KLRC2: variants seen among roughly 807,000 people sequenced by gnomAD.
KLRC2 encodes the protein killer cell lectin like receptor C2.
In KLRC2, 10 loss-of-function variants were observed where a neutral mutation model predicts 25.5. The ratio of observed to expected loss-of-function variants is 0.39; its 90% CI spans 0.24 to 0.67. The LOEUF (loss-of-function observed/expected upper bound fraction) is 0.67, where lower values mean the gene tolerates loss of function less well. KLRC2 is among the 30% of genes least tolerant of loss of function. The pLI is 0.45. For synonymous variants in KLRC2, 48 were observed against 93.3 expected (o/e 0.51, Z 2.80); for missense variants, 170 against 272.8 (o/e 0.62, Z 2.65).
chr12:10,434,528 G>C lies in KLRC2; in HGVS notation c.289C>G (p.Leu97Val). 2 of 1,550,928 alleles carry C rather than the reference G, an allele frequency of 1.3e-6. No homozygotes were observed. Among genetic ancestry groups the C allele is most frequent in the Non-Finnish European group, 1.8e-6 (2 of 1,130,024 alleles). ...TTCGGGGAAAAATTGTTCTGCTCCA[G>C]GACTGTAATAGAAAAATTAAAATGA... is the stretch of plus-strand genomic sequence containing the variant. ...VLKTIVLIPF[L>V]EQNNFSPNTR... Residue 97 changes from leucine to valine, a missense_variant and splice_region_variant, in exon 3 of 6, where the codon CTG (leucine) becomes GTG (valine). This residue lies in a region of KLRC2 where 4 missense variants were observed against 54.6 expected (regional missense o/e 0.07). Coordinates refer to ENST00000381902, the MANE Select transcript of KLRC2 (RefSeq NM_002260.4).
chr12:10,432,410 T>G lies in KLRC2; in HGVS notation c.484-204A>C, dbSNP rs1863825727. Among the ~76,000 whole-genome samples the G allele has an allele frequency of 4.5e-5, 5 of 111,368 alleles. 1 individual carries two copies. In the South Asian group the frequency reaches 1.4e-3, roughly 31 times the overall value. The allele number at this position is 111,368 out of a possible 152,430, so 73.1% of individuals were successfully genotyped here. A position where few individuals can be genotyped will look rare whatever the true frequency, so the allele number is the denominator to read the frequency against. ...AATAAAGACATTTTAATTCTTGCAA[T>G]GTAATAGTTACTCCAATTAACAGAA... On this transcript the variant is annotated intron_variant, in intron 4 of 5. Transcript: ENST00000381902.
In KLRC2 at chr12:10,433,818, C is replaced by T; in HGVS notation, c.456G>A (p.Leu152=). ...TTTCTTCTTCATTATCTATAGAAAG[C>T]AGACTGGAGTTCTTCGAAGTACAGG... ...LLACTSKNSS[L]LSIDNEEEMK... Residue 152 remains leucine, a synonymous_variant, in exon 4 of 6, where the codon CTG becomes CTA. Coordinates refer to ENST00000381902, the MANE Select transcript of KLRC2 (RefSeq NM_002260.4). 1.9e-6 allele frequency: 3 copies of T among 1,549,616 alleles called. No individual in the cohort carries two copies. The East Asian group carries it at 7.1e-5, about 37-fold the overall frequency.
chr12:10,435,818 T>G lies in KLRC2; in HGVS notation c.169A>C (p.Lys57Gln), dbSNP rs1565507929. 6.5e-7 allele frequency: 1 copy of G among 1,548,536 alleles called. No individual in the cohort carries two copies. The highest frequency in any genetic ancestry group is 8.8e-7 in the Non-Finnish European group (1 of 1,134,276). The change falls in exon 1 of 6, where the codon AAA becomes CAA. Residue 57 changes from lysine to glutamine, a missense_variant. This residue lies in a region of KLRC2 where 37 missense variants were observed against 68.0 expected (regional missense o/e 0.54). Coordinates refer to ENST00000381902, the MANE Select transcript of KLRC2 (RefSeq NM_002260.4). ...GTTTTACCTTGGCAGTCATATATTT[T>G]ATCAATCCCTTGATGATTCAGGGAA... Reference protein sequence around the residue: ...NPSLNHQGIDKIYDCQGLLPP... With the variant: ...NPSLNHQGIDQIYDCQGLLPP...
At chr12:10,433,329 A>G (rs1347105614) in intron 4 of KLRC2, among the ~76,000 whole-genome samples, 1 of 142,500 alleles carries the variant, frequency 7.0e-6, no homozygotes, top group Non-Finnish European at 1.5e-5. Flanking sequence ...TTCCCTTTAT[A>G]TAAATAAATT....
At chr12:10,432,322 A>G in intron 4 of KLRC2, 116 bp from the exon 5 acceptor site, 1 of 598,534 alleles carries the variant, frequency 1.7e-6, no homozygotes, top group Non-Finnish European at 2.6e-6. Flanking sequence ...AAATGTTTGA[A>G]TTTTTTATTT....
At position 10,431,079 on chromosome 12, in the gene KLRC2, A is replaced by G; in HGVS notation, c.*38T>C. On this transcript the variant is annotated 3_prime_UTR_variant, in exon 6 of 6. Coordinates refer to ENST00000381902, the MANE Select transcript of KLRC2 (RefSeq NM_002260.4). ...AATATTTCTATTTTAAGAAATATAA[A>G]ATGTATCTGATGCACTGCAAACGCA... 3 of 1,315,542 alleles carry G rather than the reference A, an allele frequency of 2.3e-6. 1 individual carries two copies. The highest frequency in any genetic ancestry group is 3.2e-6 in the Non-Finnish European group (3 of 943,242). The allele number at this position is 1,315,542 out of a possible 1,614,324, so 81.5% of individuals were successfully genotyped here.
intron 4 of KLRC2, among the ~76,000 whole-genome samples, chr12:10,433,384 C>T (rs562119936): frequency 2.1e-5 from 3 of 141,460 alleles, no homozygotes; most frequent in South Asian, 2.2e-4. Flanking sequence ...GTCAAGACTG[C>T]GTTTTGGAGA....
chr12:10,434,337 A>G lies in KLRC2; in HGVS notation c.331+149T>C, dbSNP rs61244572. 90 of 630,284 alleles carry G rather than the reference A, an allele frequency of 1.4e-4. 6 individuals are homozygous for G. In the African/African-American group the frequency reaches 1.5e-3, roughly 11 times the overall value. The allele number at this position is 630,284 out of a possible 1,614,324, so 39.0% of individuals were successfully genotyped here. On this transcript the variant is annotated intron_variant, in intron 3 of 5. Transcript: ENST00000381902. ...TATTTCTACTCACTGGAGAAAAGGA[A>G]ATGCTGCCTCATAATCTTTCTTTAT... is the stretch of plus-strand genomic sequence containing the variant.
At chr12:10,433,675 C>A in intron 4 of KLRC2, 116 bp downstream of exon 4, 1 of 1,097,676 alleles carries the variant, frequency 9.1e-7, no homozygotes, top group South Asian at 1.5e-5. Context: ...TTGAATATTA[C>A]ATACACTTGA....
rs1259999796 is a variant in KLRC2 at position 10,432,536 on chromosome 12, T to G, written c.484-330A>C. ...TATTTTTGTGCTATATTTCTCAGAG[T>G]TGGAGATTTAGAAGGGAATTGAGGG... On this transcript the variant is annotated intron_variant, in intron 4 of 5. Coordinates refer to ENST00000381902, the MANE Select transcript of KLRC2 (RefSeq NM_002260.4). Among the ~76,000 whole-genome samples, 2 of 131,474 alleles carry G rather than the reference T, an allele frequency of 1.5e-5. 1 individual carries two copies. The highest frequency in any genetic ancestry group is 5.7e-5 in the African/African-American group (2 of 34,920). 86.3% of individuals were successfully genotyped at this position (131,474 alleles called of 152,430 possible).
chr12:10,430,716 C>T lies in KLRC2; in HGVS notation c.*401G>A, dbSNP rs2981594. On this transcript the variant is annotated 3_prime_UTR_variant, in exon 6 of 6. Coordinates refer to ENST00000381902, the MANE Select transcript of KLRC2 (RefSeq NM_002260.4). Reference sequence around the variant, plus strand: ...ATTCGCAGAGTTACAACCATCACCACTACTGAAATTTAGAAAGTTTTCATC... The same window carrying T: ...ATTCGCAGAGTTACAACCATCACCATTACTGAAATTTAGAAAGTTTTCATC... 76,757 of 159,720 alleles carry T rather than the reference C, an allele frequency of 0.48. 24,949 individuals are homozygous for T. The highest frequency in any genetic ancestry group is 0.71 in the East Asian group (3,845 of 5,430). The allele number at this position is 159,720 out of a possible 1,614,324, so 9.9% of individuals were successfully genotyped here. A position where few individuals can be genotyped will look rare whatever the true frequency, so the allele number is the denominator to read the frequency against.
intron 4 of KLRC2, among the ~76,000 whole-genome samples, chr12:10,433,218 C>G (rs1488120251): frequency 7.1e-6 from 1 of 141,802 alleles, no homozygotes; most frequent in Non-Finnish European, 1.5e-5. Context: ...GTACATAGTA[C>G]AGCAGTGAAC....
Position 10,431,682 on chromosome 12 carries a change from G to C in KLRC2, c.584+424C>G, listed in dbSNP as rs71221750. 1.1e-4 allele frequency among the ~76,000 whole-genome samples: 15 copies of C among 142,130 alleles called. 3 individuals are homozygous for C. The highest frequency in any genetic ancestry group is 3.4e-4 in the Admixed American group (5 of 14,516). The allele number at this position is 142,130 out of a possible 152,430, so 93.2% of individuals were successfully genotyped here. ...CAGTTCCCTGATAGTCCAGCTCGAGGTTGTCCAACTCGCTGCCCATGGGCC... is the reference window on the plus strand; with the variant it reads ...CAGTTCCCTGATAGTCCAGCTCGAGCTTGTCCAACTCGCTGCCCATGGGCC... On this transcript the variant is annotated intron_variant, in intron 5 of 5. Transcript: ENST00000381902.
rs757431101 is a variant in KLRC2 at position 10,435,790 on chromosome 12, A to C, written c.187+10T>G. ...GAACAATAATATTGAAGATATATTT[A>C]ATGTTTTACCTTGGCAGTCATATAT... is the stretch of plus-strand genomic sequence containing the variant. On this transcript the variant is annotated intron_variant, in intron 1 of 5. Transcript: ENST00000381902. 3 of 1,542,972 alleles carry C rather than the reference A, an allele frequency of 1.9e-6. No homozygotes were observed. The highest frequency in any genetic ancestry group is 3.4e-5 in the Admixed American group (2 of 58,572).
In KLRC2 at chr12:10,433,926, A is replaced by C; in HGVS notation, c.348T>G (p.His116Gln). ...TRTQKARHCGHCPEEWITYSN... is the reference protein window; with the variant it reads ...TRTQKARHCGQCPEEWITYSN... ...AATATGTAATCCACTCCTCAGGACA[A>C]TGGCCACAATGACGTGCTAATAAAG... Residue 116 changes from histidine to glutamine, a missense_variant, in exon 4 of 6, where the codon CAT becomes CAG. Coordinates refer to ENST00000381902, the MANE Select transcript of KLRC2 (RefSeq NM_002260.4). The C allele has an allele frequency of 6.5e-7, 1 of 1,548,014 alleles. No individual in the cohort carries two copies.
chr12:10,435,774 T>C lies in KLRC2; in HGVS notation c.187+26A>G, dbSNP rs376535440. On this transcript the variant is annotated intron_variant, in intron 1 of 5. Coordinates refer to ENST00000381902, the MANE Select transcript of KLRC2 (RefSeq NM_002260.4). ...TCAACTGCACATCCTAGAACAATAATATTGAAGATATATTTAATGTTTTAC... is the reference window on the plus strand; with the variant it reads ...TCAACTGCACATCCTAGAACAATAACATTGAAGATATATTTAATGTTTTAC... 70 of 1,516,958 alleles carry C rather than the reference T, an allele frequency of 4.6e-5. 9 individuals carry two copies. The highest frequency in any genetic ancestry group is 2.2e-4 in the African/African-American group (15 of 67,674). 94.0% of individuals were successfully genotyped at this position (1,516,958 alleles called of 1,614,324 possible).
rs1353473094 is a variant in KLRC2 at position 10,431,113 on chromosome 12, A to G, written c.*4T>C. Reference sequence around the variant, plus strand: ...GATGCACTGCAAACGCAAATGCTTTACTTCTAAAGCTTATGCTTACAATGA... The same window carrying G: ...GATGCACTGCAAACGCAAATGCTTTGCTTCTAAAGCTTATGCTTACAATGA... On this transcript the variant is annotated 3_prime_UTR_variant, in exon 6 of 6. Coordinates refer to ENST00000381902, the MANE Select transcript of KLRC2 (RefSeq NM_002260.4). The G allele has an allele frequency of 6.7e-7, 1 of 1,492,548 alleles. No homozygotes were observed. 92.5% of individuals were successfully genotyped at this position (1,492,548 alleles called of 1,614,324 possible).
At chr12:10,432,299 CA>C in intron 4 of KLRC2, 93 bp from the exon 5 acceptor site, 1 of 764,098 alleles carries the variant, frequency 1.3e-6, no homozygotes, top group Non-Finnish European at 1.9e-6. Context: ...TTTGCAGTGC[CA>C]AAAACTTTCA....
chr12:10,432,160 C>T lies in KLRC2; in HGVS notation c.530G>A (p.Arg177His), dbSNP rs759971718. 1.4e-4 allele frequency: 213 copies of T among 1,519,502 alleles called. 31 individuals carry two copies. Among genetic ancestry groups the T allele is most frequent in the Non-Finnish European group, 1.8e-4 (197 of 1,118,608 alleles). The allele number at this position is 1,519,502 out of a possible 1,614,324, so 94.1% of individuals were successfully genotyped here. The change falls in exon 5 of 6, where the codon CGT (arginine) becomes CAT (histidine). Residue 177 changes from arginine (R) to histidine (H), a missense_variant. Coordinates refer to ENST00000381902, the MANE Select transcript of KLRC2 (RefSeq NM_002260.4). ...CACCCATGGATGATGACTGCTGTTA[C>T]GAAACACACCAATCCATGAGGAAGG... ...ILPSSWIGVF[R>H]NSSHHPWVTI... is the part of the protein sequence containing the mutation.
Sources: allele counts gnomAD v4.1 joint callset (sites outside exome capture counted in the v4.1 genomes callset), GRCh38; gene constraint gnomAD v4.1.1; regional missense constraint gnomAD v4.1.1; transcripts MANE v1.5; gene names NCBI Gene and HGNC (gene_info 2026-07-23, HGNC 2026-07-21).